Variants in SLC9A2 observed in about 807,000 individuals in gnomAD.
SLC9A2 encodes sodium/hydrogen exchanger 2.
Under a neutral mutation model 71.7 loss-of-function variants are expected in SLC9A2, and 42 were observed. The ratio of observed to expected loss-of-function variants is 0.59; its 90% CI spans 0.46 to 0.76. The LOEUF is 0.76. Among genes scored for constraint, SLC9A2 ranks in the 30% least tolerant of loss-of-function variants. SLC9A2 has a pLI of 0.00. For synonymous variants in SLC9A2, 396 were observed against 392.5 expected (o/e 1.01, Z -0.10); for missense variants, 829 against 1,017.4 (o/e 0.81, Z 2.52).
intron 1 of SLC9A2, among the ~76,000 whole-genome samples, chr2:102,621,813 C>T (rs1200400355): frequency 6.6e-6 from 1 of 152,090 alleles, no homozygotes. Flanking sequence ...GCAGAGCAAA[C>T]ATTTAAACTG....
At chr2:102,624,424 G>T (rs1164657175) in intron 1 of SLC9A2, among the ~76,000 whole-genome samples, 1 of 152,164 alleles carries the variant, frequency 6.6e-6, no homozygotes, top group African/African-American at 2.4e-5. Flanking sequence ...GGTAGCCAAA[G>T]AATTGAGATA....
intron 5 of SLC9A2, among the ~76,000 whole-genome samples, chr2:102,691,035 G>T (rs565341860): frequency 2.9e-4 from 43 of 150,358 alleles, no homozygotes; most frequent in Non-Finnish European, 5.5e-4. Flanking sequence ...TATAATTTTT[G>T]TTTGTTTGTT....
intron 3 of SLC9A2, among the ~76,000 whole-genome samples, chr2:102,667,600 A>G (rs1361026990): frequency 6.6e-6 from 1 of 152,160 alleles, no homozygotes; most frequent in Non-Finnish European, 1.5e-5. Context: ...TGAAGATGGG[A>G]TCACAGGTTT....
intron 1 of SLC9A2, among the ~76,000 whole-genome samples, chr2:102,634,197 C>A (rs1027045081): frequency 6.6e-6 from 1 of 152,134 alleles, no homozygotes; most frequent in Non-Finnish European, 1.5e-5. Flanking sequence ...TTACTAATGA[C>A]CTGTCACATA....
At chr2:102,684,697 G>A (rs571815486) in intron 5 of SLC9A2, among the ~76,000 whole-genome samples, 1 of 152,308 alleles carries the variant, frequency 6.6e-6, no homozygotes, top group Admixed American at 6.5e-5. Context: ...GACATGAGTT[G>A]ACTGCCTCGC....
chr2:102,688,252 G>A (rs1677588902), intron 5 of SLC9A2, among the ~76,000 whole-genome samples: 1 of 152,108 alleles, frequency 6.6e-6, no homozygotes, highest in Admixed American at 6.5e-5. Flanking sequence ...CAGTTTTAGA[G>A]TAAGACTATT....
chr2:102,650,785 G>A (rs898933708), intron 1 of SLC9A2, among the ~76,000 whole-genome samples: 5 of 152,122 alleles, frequency 3.3e-5, no homozygotes, highest in Admixed American at 1.3e-4. Context: ...AACATATGGC[G>A]ATGTGTTTAG....
intron 2 of SLC9A2, 56 bp from the exon 3 acceptor site, chr2:102,665,044 G>A (rs1677107565): frequency 6.4e-7 from 1 of 1,564,434 alleles, no homozygotes; most frequent in East Asian, 2.2e-5. Flanking sequence ...TGTGCCCAGA[G>A]TGACAATGGG....
At position 102,620,006 on chromosome 2, in the gene SLC9A2, C is replaced by A. The variant is rs201535448; in HGVS notation, c.158C>A (p.Ala53Glu). 1.3e-5 allele frequency: 21 copies of A among 1,613,910 alleles called. No individual in the cohort carries two copies. The highest frequency in any genetic ancestry group is 1.7e-5 in the Admixed American group (1 of 60,002). The change falls in exon 1 of 12, where the codon GCG (alanine) becomes GAG (glutamate). Residue 53 changes from alanine (A) to glutamate (E), a missense_variant. This residue lies in a region of SLC9A2 where 106 missense variants were observed against 93.5 expected (regional missense o/e 1.13). Coordinates refer to ENST00000233969, the MANE Select transcript of SLC9A2 (RefSeq NM_003048.6). ...ACCAGTTCCAGCCCGCCTAGCCCTG[C>A]GAGCGTGGTGGCTCCCGGAACGACG... is the stretch of plus-strand genomic sequence containing the variant. The part of the protein sequence containing the change: ...MGTSSSPPSP[A>E]SVVAPGTTLF...
chr2:102,634,666 A>G (rs1452977834), intron 1 of SLC9A2, among the ~76,000 whole-genome samples: 2 of 152,230 alleles, frequency 1.3e-5, no homozygotes, highest in African/African-American at 4.8e-5. Context: ...TTTCTAAATT[A>G]TACATGTCAG....
At chr2:102,698,848 C>A (rs1315099797) in intron 7 of SLC9A2, among the ~76,000 whole-genome samples, 4 of 152,106 alleles carry the variant, frequency 2.6e-5, no homozygotes, top group African/African-American at 7.2e-5. Flanking sequence ...AGGAACAGGG[C>A]AAAGCAAGTC....
chr2:102,680,687 C>T (rs1266071632), intron 3 of SLC9A2, among the ~76,000 whole-genome samples: 1 of 152,172 alleles, frequency 6.6e-6, no homozygotes, highest in African/African-American at 2.4e-5. Flanking sequence ...CAAAGATGTC[C>T]ACATCCTAAT....
At chr2:102,632,145 T>C (rs1394539149) in intron 1 of SLC9A2, among the ~76,000 whole-genome samples, 13 of 48,470 alleles carry the variant, frequency 2.7e-4, no homozygotes, top group East Asian at 9.6e-4. Flanking sequence ...TATGTATATA[T>C]ACATATATAC....
At position 102,710,663 on chromosome 2, in the gene SLC9A2, C is replaced by A. The variant is rs1394387133; in HGVS notation, c.*2174C>A. 2 of 152,122 alleles carry A rather than the reference C, an allele frequency of 1.3e-5. No individual in the cohort carries two copies. Among genetic ancestry groups the A allele is most frequent in the Non-Finnish European group, 2.9e-5 (2 of 68,022 alleles). 9.4% of individuals were successfully genotyped at this position (152,122 alleles called of 1,614,324 possible). ...GCAATAAAAATAAATTTGACTTTAG[C>A]TTTTTTTCTATACTTTCCTCTTTTT... is the stretch of plus-strand genomic sequence containing the variant. On this transcript the variant is annotated 3_prime_UTR_variant, in exon 12 of 12. Transcript: ENST00000233969.
chr2:102,692,145 T>G (rs1209748598), intron 5 of SLC9A2, among the ~76,000 whole-genome samples: 6 of 152,236 alleles, frequency 3.9e-5, no homozygotes, highest in Admixed American at 6.5e-5. Context: ...ATGTGTTGAT[T>G]GGAAAACTGC....
rs1677446290 is a variant in SLC9A2, at chr2:102,681,161, G to A, written c.1005-2100G>A. On this transcript the variant is annotated intron_variant, in intron 3 of 11. Transcript: ENST00000233969. ...AGAAAGGATAAGCCACAGCTTGGTG[G>A]GCAGGGAAGACCTCCTTCCCATCAG... 2.0e-5 allele frequency among the ~76,000 whole-genome samples: 3 copies of A among 152,176 alleles called. No individual in the cohort carries two copies. The South Asian group carries it at 6.2e-4, about 32-fold the overall frequency.
chr2:102,689,520 CA>C (rs1677619994), intron 5 of SLC9A2, among the ~76,000 whole-genome samples: 1 of 152,080 alleles, frequency 6.6e-6, no homozygotes, highest in Admixed American at 6.5e-5. Context: ...TGAAGACCCT[CA>C]AATGTGCCTT....
In SLC9A2 at chr2:102,708,294, A is replaced by G. The variant is rs1678024889; in HGVS notation, c.2244A>G (p.Pro748=). ...GCCGAGATATGCCCAGCACCCCCCCAACACCCCACAGCAGAGAAAAGGGCA... is the reference window on the plus strand; with the variant it reads ...GCCGAGATATGCCCAGCACCCCCCCGACACCCCACAGCAGAGAAAAGGGCA... ...DSGRDMPSTP[P]TPHSREKGTQ... Residue 748 remains proline (P), a synonymous_variant, in exon 12 of 12, where the codon CCA becomes CCG. Coordinates refer to ENST00000233969, the MANE Select transcript of SLC9A2 (RefSeq NM_003048.6). 2.5e-6 allele frequency: 4 copies of G among 1,613,900 alleles called. No homozygotes were observed. In the African/African-American group the frequency reaches 5.3e-5, roughly 22 times the overall value.
At chr2:102,679,515 G>T (rs1677409442) in intron 3 of SLC9A2, among the ~76,000 whole-genome samples, 1 of 151,740 alleles carries the variant, frequency 6.6e-6, no homozygotes. Context: ...CCAAGTAGCT[G>T]GGACTACAGG....
Sources: allele counts gnomAD v4.1 joint callset (sites outside exome capture counted in the v4.1 genomes callset), GRCh38; gene constraint gnomAD v4.1.1; regional missense constraint gnomAD v4.1.1; transcripts MANE v1.5; gene names NCBI Gene and HGNC (gene_info 2026-07-23, HGNC 2026-07-21).